The following SNTB1 variants were observed in gnomAD, a reference collection of about 807,000 sequenced individuals.
SNTB1 encodes the protein syntrophin beta 1.
SNTB1 carries 36 observed loss-of-function variants against 48.9 expected under a neutral mutation model. The observed-to-expected ratio is 0.74, with a 90% confidence interval of 0.56 to 0.97. The LOEUF (loss-of-function observed/expected upper bound fraction) is 0.97. Among genes scored for constraint, SNTB1 ranks in the 50% least tolerant of loss-of-function variants. The pLI, the probability that SNTB1 is intolerant of heterozygous loss-of-function variation, is 0.00. For synonymous variants in SNTB1, 299 were observed against 294.6 expected (o/e 1.01, Z -0.15); for missense variants, 786 against 703.4 (o/e 1.12, Z -1.33).
At chr8:120,581,662 G>C (rs1364594379) in intron 3 of SNTB1, among the ~76,000 whole-genome samples, 1 of 152,134 alleles carries the variant, frequency 6.6e-6, no homozygotes, top group Non-Finnish European at 1.5e-5. Flanking sequence ...TTAAGATAAT[G>C]ATGAAAAATA....
chr8:120,807,909 ATTTTTTAT>A (rs1000073918), intron 1 of SNTB1, among the ~76,000 whole-genome samples: 1 of 151,976 alleles, frequency 6.6e-6, no homozygotes, highest in Non-Finnish European at 1.5e-5. Context: ...TTATATTTAT[ATTTTTTAT>A]TTTTTTATTT....
intron 2 of SNTB1, among the ~76,000 whole-genome samples, chr8:120,639,562 G>A (rs1333256537): frequency 1.3e-5 from 2 of 152,182 alleles, no homozygotes; most frequent in African/African-American, 4.8e-5. Context: ...TGTATAAGGT[G>A]TAAGGAAGGG....
At chr8:120,690,436 G>A (rs867308085) in intron 2 of SNTB1, among the ~76,000 whole-genome samples, 1 of 152,142 alleles carries the variant, frequency 6.6e-6, no homozygotes, top group African/African-American at 2.4e-5. Context: ...ATCTTCTGCA[G>A]TTTCCGCTAT....
At chr8:120,730,142 T>A (rs1465636893) in intron 1 of SNTB1, among the ~76,000 whole-genome samples, 1 of 152,092 alleles carries the variant, frequency 6.6e-6, no homozygotes, top group East Asian at 1.9e-4. Flanking sequence ...AATGAAATTT[T>A]ATTTATTTTT....
chr8:120,561,784 C>T (rs1815665040), intron 4 of SNTB1, among the ~76,000 whole-genome samples: 1 of 152,186 alleles, frequency 6.6e-6, no homozygotes, highest in African/African-American at 2.4e-5. Context: ...TCGGCTTTTC[C>T]TCTATTTCAT....
intron 2 of SNTB1, among the ~76,000 whole-genome samples, chr8:120,668,298 G>A (rs1817706701): frequency 6.6e-6 from 1 of 152,178 alleles, no homozygotes; most frequent in South Asian, 2.1e-4. Flanking sequence ...GTCATTGCCT[G>A]ATGTCCAAGG....
At chr8:120,767,314 T>C (rs1373305691) in intron 1 of SNTB1, among the ~76,000 whole-genome samples, 1 of 152,244 alleles carries the variant, frequency 6.6e-6, no homozygotes, top group Non-Finnish European at 1.5e-5. Flanking sequence ...ATGATGATTC[T>C]CTGGGGACCC....
intron 1 of SNTB1, among the ~76,000 whole-genome samples, chr8:120,758,120 G>C (rs981914756): frequency 6.6e-6 from 1 of 152,162 alleles, no homozygotes; most frequent in Non-Finnish European, 1.5e-5. Context: ...GCTTTACATA[G>C]AGAAAAGGAA....
intron 2 of SNTB1, among the ~76,000 whole-genome samples, chr8:120,669,853 C>A (rs1418306599): frequency 6.6e-6 from 1 of 152,164 alleles, no homozygotes. Flanking sequence ...TCTTACAAAT[C>A]CCCAGGTGAT....
chr8:120,568,681 C>G (rs1402696005), intron 4 of SNTB1, among the ~76,000 whole-genome samples: 1 of 152,198 alleles, frequency 6.6e-6, no homozygotes, highest in Non-Finnish European at 1.5e-5. Context: ...CAGGCAAAAG[C>G]TCACCTACTA....
chr8:120,614,407 T>C (rs1816674847), intron 3 of SNTB1, among the ~76,000 whole-genome samples: 1 of 152,202 alleles, frequency 6.6e-6, no homozygotes, highest in African/African-American at 2.4e-5. Context: ...CACAACTCCT[T>C]CTCTGGCATA....
chr8:120,702,121 G>C (rs1818317190), intron 1 of SNTB1, among the ~76,000 whole-genome samples: 1 of 152,184 alleles, frequency 6.6e-6, no homozygotes, highest in South Asian at 2.1e-4. Context: ...TTTCTGTAGG[G>C]AGGGCCCTGA....
intron 1 of SNTB1, among the ~76,000 whole-genome samples, chr8:120,744,119 C>A (rs1325289154): frequency 8.5e-6 from 1 of 117,282 alleles, no homozygotes; most frequent in African/African-American, 3.5e-5. Flanking sequence ...GACCCTGTCT[C>A]AATTTTTTTT....
intron 2 of SNTB1, among the ~76,000 whole-genome samples, chr8:120,649,611 T>C (rs1817370696): frequency 6.8e-6 from 1 of 147,366 alleles, no homozygotes; most frequent in Admixed American, 6.8e-5. Context: ...AGGTTACTGC[T>C]GTCTTTTTGT....
At chr8:120,641,785 A>G (rs888304086) in intron 2 of SNTB1, among the ~76,000 whole-genome samples, 8 of 152,202 alleles carry the variant, frequency 5.3e-5, no homozygotes, top group African/African-American at 1.9e-4. Flanking sequence ...CCTTTTGTAT[A>G]CCCTTTCCAG....
chr8:120,668,091 C>CT (rs1817702909), intron 2 of SNTB1, among the ~76,000 whole-genome samples: 1 of 152,204 alleles, frequency 6.6e-6, no homozygotes, highest in Admixed American at 6.5e-5. Context: ...CCAGGATTCT[C>CT]TGTGTAGTTC....
chr8:120,663,641 G>A (rs1326876459), intron 2 of SNTB1, among the ~76,000 whole-genome samples: 2 of 151,986 alleles, frequency 1.3e-5, no homozygotes, highest in Non-Finnish European at 2.9e-5. Context: ...AAGTGTAGGG[G>A]AAAGGTGGGC....
rs188549752 is a variant in SNTB1 at position 120,783,118 on chromosome 8, G to A, written c.571+28155C>T. On this transcript the variant is annotated intron_variant, in intron 1 of 6. Transcript: ENST00000517992. ...CTATTCTGGTTAATTTTGAACACAA[G>A]TTCTGCTAGCAATCTAACAGAATAG... is the stretch of plus-strand genomic sequence containing the variant. Among the ~76,000 whole-genome samples, 4 of 152,274 alleles carry A rather than the reference G, an allele frequency of 2.6e-5. No individual in the cohort carries two copies. In the East Asian group the frequency reaches 5.8e-4, roughly 22 times the overall value.
intron 1 of SNTB1, among the ~76,000 whole-genome samples, chr8:120,707,308 T>C (rs1011460309): frequency 4.6e-5 from 7 of 152,206 alleles, no homozygotes; most frequent in African/African-American, 1.7e-4. Context: ...GTAGAACTAA[T>C]GCCTTTAGGA....
Sources: gnomAD v4.1 joint callset for allele counts (sites outside exome capture counted in the v4.1 genomes callset) on GRCh38, gnomAD v4.1.1 for gene constraint, MANE v1.5 for transcripts, NCBI Gene and HGNC (gene_info 2026-07-23, HGNC 2026-07-21) for gene names.